SDK1: variants seen among roughly 807,000 people sequenced by gnomAD.
The protein encoded by SDK1 is protein sidekick-1.
Under a neutral mutation model 245.5 loss-of-function variants are expected in SDK1, and 157 were observed. That is an observed-to-expected ratio of 0.64 (90% CI 0.56 to 0.73). The LOEUF is 0.73. SDK1 is among the 30% of genes least tolerant of loss of function. SDK1 has a pLI of 0.00. For missense variants in SDK1, 3,583 were observed against 3,002.3 expected (o/e 1.19, Z -4.52); for synonymous variants, 1,647 against 1,278.5 (o/e 1.29, Z -6.15).
At chr7:3,975,769 A>G (rs1306948651) in intron 13 of SDK1, among the ~76,000 whole-genome samples, 2 of 152,240 alleles carry the variant, frequency 1.3e-5, no homozygotes, top group Non-Finnish European at 2.9e-5. Context: ...GTCTCCTTCC[A>G]GGATGACCCC....
chr7:4,162,366 G>GTTATTATTATTA (rs1447141270), intron 32 of SDK1, among the ~76,000 whole-genome samples: 1 of 108,980 alleles, frequency 9.2e-6, no homozygotes, highest in African/African-American at 3.4e-5. Flanking sequence ...GGTTGTTGTT[G>GTTATTATTATTA]TTGTTATTAT....
chr7:4,066,853 G>A (rs763362829), intron 19 of SDK1, among the ~76,000 whole-genome samples: 2 of 152,214 alleles, frequency 1.3e-5, no homozygotes, highest in African/African-American at 2.4e-5. Context: ...GGAGCTCTGC[G>A]CCTGTGGCCG....
chr7:3,501,389 A>G (rs75943152), intron 1 of SDK1, among the ~76,000 whole-genome samples: 233 of 151,438 alleles, frequency 1.5e-3, no homozygotes, highest in Admixed American at 3.4e-3. Context: ...AAAAAAAAAA[A>G]CTGATCAGGA....
At chr7:3,802,321 C>G (rs1026880394) in intron 4 of SDK1, among the ~76,000 whole-genome samples, 12 of 152,014 alleles carry the variant, frequency 7.9e-5, no homozygotes, top group Admixed American at 6.6e-4. Context: ...CCTGGAAGTT[C>G]AAGACCGGCC....
At chr7:4,208,748 C>G (rs1389713730) in intron 37 of SDK1, among the ~76,000 whole-genome samples, 1 of 152,230 alleles carries the variant, frequency 6.6e-6, no homozygotes, top group Non-Finnish European at 1.5e-5. Context: ...CCACAGACCA[C>G]CCCTGGAGAC....
At chr7:4,096,845 G>A (rs531742171) in intron 22 of SDK1, among the ~76,000 whole-genome samples, 2 of 152,028 alleles carry the variant, frequency 1.3e-5, no homozygotes, top group African/African-American at 2.4e-5. Context: ...ACCCCCACGG[G>A]GGTCGCTGTG....
At chr7:3,427,616 A>G (rs1779714023) in intron 1 of SDK1, among the ~76,000 whole-genome samples, 1 of 151,810 alleles carries the variant, frequency 6.6e-6, no homozygotes, top group South Asian at 2.1e-4. Context: ...GTCATACGAT[A>G]TAAGATGGGC....
In SDK1 at chr7:4,051,840, C is replaced by A. The variant is rs1778872522; in HGVS notation, c.2911+10C>A. On this transcript the variant is annotated intron_variant, in intron 19 of 44. Coordinates refer to ENST00000404826, the MANE Select transcript of SDK1 (RefSeq NM_152744.4). The stretch of plus-strand genomic sequence containing the variant: ...TGGACTCAGGAAGACAGTGAGTATT[C>A]CTTTCTGCGTGTCTCTTAAGTCACT... 6.2e-7 allele frequency: 1 copy of A among 1,600,662 alleles called. No individual in the cohort carries two copies. The highest frequency in any genetic ancestry group is 8.5e-7 in the Non-Finnish European group (1 of 1,171,332).
At chr7:3,825,865 G>A (rs1779761921) in intron 5 of SDK1, among the ~76,000 whole-genome samples, 2 of 152,176 alleles carry the variant, frequency 1.3e-5, no homozygotes, top group South Asian at 4.1e-4. Flanking sequence ...CCTCTGACTT[G>A]GCTCGGGTTC....
intron 17 of SDK1, among the ~76,000 whole-genome samples, chr7:4,045,348 T>A (rs1788943204): frequency 6.6e-6 from 1 of 152,024 alleles, no homozygotes; most frequent in African/African-American, 2.4e-5. Context: ...GCTCTAGTGA[T>A]CCCCCCATCT....
At chr7:4,030,319 A>C (rs950220879) in intron 17 of SDK1, among the ~76,000 whole-genome samples, 1 of 152,264 alleles carries the variant, frequency 6.6e-6, no homozygotes, top group African/African-American at 2.4e-5. Context: ...AAAACAGCTT[A>C]CGCAGAAGAC....
rs575155129 is a variant in SDK1, at chr7:3,824,564, C to T, written c.847+2981C>T. ...ATCCGTTCCTTCCTTGAGGACAGCA[C>T]CGTGTTAGAGTGGAGCGGCAACCAG... On this transcript the variant is annotated intron_variant, in intron 5 of 44. Coordinates refer to ENST00000404826, the MANE Select transcript of SDK1 (RefSeq NM_152744.4). Among the ~76,000 whole-genome samples, 3 of 152,258 alleles carry T rather than the reference C, an allele frequency of 2.0e-5. No homozygotes were observed. In the South Asian group the frequency reaches 6.2e-4, roughly 32 times the overall value.
At chr7:3,323,952 C>T (rs952271087) in intron 1 of SDK1, among the ~76,000 whole-genome samples, 8 of 152,152 alleles carry the variant, frequency 5.3e-5, no homozygotes, top group African/African-American at 1.9e-4. Context: ...TTTCTATTAC[C>T]TATGTCCATT....
chr7:3,583,300 A>G (rs1448924647), intron 1 of SDK1, among the ~76,000 whole-genome samples: 1 of 152,242 alleles, frequency 6.6e-6, no homozygotes, highest in Non-Finnish European at 1.5e-5. Context: ...CTTAGTAAAC[A>G]AATTTTCAGT....
chr7:4,010,893 C>G, intron 14 of SDK1, 73 bp from the exon 15 acceptor site: 1 of 1,484,340 alleles, frequency 6.7e-7, no homozygotes, highest in Non-Finnish European at 9.3e-7. Flanking sequence ...CCTGAGAAAG[C>G]CTTTGCATTC....
At chr7:3,454,436 T>A (rs1780614406) in intron 1 of SDK1, among the ~76,000 whole-genome samples, 1 of 104,126 alleles carries the variant, frequency 9.6e-6, no homozygotes. Context: ...TGTGTACATT[T>A]AAGTCTATGC....
At chr7:3,568,226 T>C (rs1278703128) in intron 1 of SDK1, among the ~76,000 whole-genome samples, 1 of 152,196 alleles carries the variant, frequency 6.6e-6, no homozygotes, top group Non-Finnish European at 1.5e-5. Flanking sequence ...ATGCATTTAA[T>C]TTAATATGCA....
chr7:3,676,614 C>T (rs919697336), intron 4 of SDK1, among the ~76,000 whole-genome samples: 13 of 152,284 alleles, frequency 8.5e-5, no homozygotes, highest in African/African-American at 3.1e-4. Context: ...CGTGAGCCAC[C>T]ACGCCTTGCC....
rs562117781 is a variant in SDK1, at chr7:3,890,960, C to G, written c.848-59963C>G. 7.7e-4 allele frequency among the ~76,000 whole-genome samples: 117 copies of G among 152,292 alleles called. 3 individuals carry two copies. In the South Asian group the frequency reaches 0.023, roughly 30 times the overall value. On this transcript the variant is annotated intron_variant, in intron 5 of 44. Coordinates refer to ENST00000404826, the MANE Select transcript of SDK1 (RefSeq NM_152744.4). ...ACACCATTTATTTTTCACTATGGGT[C>G]TACCAGTTGGCTGTGGCTTCACTGG...
Sources: allele counts gnomAD v4.1 joint callset (sites outside exome capture counted in the v4.1 genomes callset), GRCh38; gene constraint gnomAD v4.1.1; transcripts MANE v1.5; gene names NCBI Gene and HGNC (gene_info 2026-07-23, HGNC 2026-07-21).